Variants in NUDT13 observed in about 807,000 individuals in gnomAD.
NUDT13 encodes the protein NAD(P)H pyrophosphatase NUDT13, mitochondrial.
Under a neutral mutation model 41.7 loss-of-function variants are expected in NUDT13, and 40 were observed. The ratio of observed to expected loss-of-function variants is 0.96; its 90% CI spans 0.75 to 1.25. The LOEUF (loss-of-function observed/expected upper bound fraction) is 1.25, where lower values mean the gene tolerates loss of function less well. NUDT13 is among the 50% of genes most tolerant of loss of function. NUDT13 has a pLI of 0.00. For missense variants in NUDT13, 390 were observed against 416.1 expected, an observed-to-expected ratio of 0.94 and a Z score of 0.55; for synonymous variants, 145 against 155.5, an observed-to-expected ratio of 0.93 and a Z score of 0.50.
In NUDT13 at chr10:73,122,307, G is replaced by A. The variant is rs759357652; in HGVS notation, c.356G>A (p.Ser119Asn). 4 of 1,612,930 alleles carry A rather than the reference G, an allele frequency of 2.5e-6. No homozygotes were observed. The highest frequency in any genetic ancestry group is 1.7e-4 in the Middle Eastern group (1 of 6,056). Residue 119 changes from serine (S) to asparagine (N), a missense_variant and splice_region_variant, in exon 4 of 9, where the codon AGT becomes AAT. Coordinates refer to ENST00000357321, the MANE Select transcript of NUDT13 (RefSeq NM_015901.6). ...DLGLDSSFSI[S>N]ASLHKPEMET... ...GGTCTGGATAGCTCCTTTTCCATAA[G>A]TGGTACATGACATTATTCCTAACGG...
intron 2 of NUDT13, among the ~76,000 whole-genome samples, chr10:73,117,114 A>C (rs543133338): frequency 1.3e-5 from 2 of 150,404 alleles, no homozygotes; most frequent in East Asian, 2.0e-4. Context: ...GGATCTCTTG[A>C]CCTTGTGATC....
chr10:73,115,612 C>T (rs1443526814), intron 2 of NUDT13, among the ~76,000 whole-genome samples: 1 of 152,016 alleles, frequency 6.6e-6, no homozygotes, highest in Non-Finnish European at 1.5e-5. Flanking sequence ...ACATGGTAGG[C>T]ACTAAAGTAC....
chr10:73,124,276 G>C lies in NUDT13; in HGVS notation c.421G>C (p.Ala141Pro), dbSNP rs375649669. Residue 141 changes from alanine (A) to proline (P), a missense_variant, in exon 5 of 9, where the codon GCA becomes CCA. Transcript: ENST00000357321. ...GGGGTCTTTCATTGAGCTGAGAAAG[G>C]CACTCTTTCAACTCAATGCAAGGGA... ...LKGSFIELRK[A>P]LFQLNARDAS... is the part of the protein sequence containing the mutation. 1.2e-5 allele frequency: 20 copies of C among 1,613,260 alleles called. No individual in the cohort carries two copies. The African/African-American group carries it at 2.7e-4, about 22-fold the overall frequency.
intron 8 of NUDT13, 137 bp downstream of exon 8, chr10:73,126,964 C>G (rs1218014275): frequency 1.1e-5 from 9 of 790,092 alleles, no homozygotes; most frequent in Non-Finnish European, 1.8e-5. Flanking sequence ...TGATTTAGGG[C>G]TGAGCACGGT....
At chr10:73,117,408 T>C (rs561308050) in intron 2 of NUDT13, among the ~76,000 whole-genome samples, 1 of 150,910 alleles carries the variant, frequency 6.6e-6, no homozygotes, top group Non-Finnish European at 1.5e-5. Context: ...AATACAAAAA[T>C]TAGCCAGGTG....
Position 73,130,880 on chromosome 10 carries a change from A to AC in NUDT13, c.1038dup (p.Cys347LeufsTer33). 1.9e-6 allele frequency: 3 copies of AC among 1,613,636 alleles called. No homozygotes were observed. The highest frequency in any genetic ancestry group is 2.5e-6 in the Non-Finnish European group (3 of 1,179,748). Reference sequence around the variant, plus strand: ...GATTAAGGAGTGGGTGGAAAAACAGACCTGTTCTTCCCTGCCTGCTTAGCC... The same window carrying AC: ...GATTAAGGAGTGGGTGGAAAAACAGACCCTGTTCTTCCCTGCCTGCTTAGCC... On this transcript the variant is annotated frameshift_variant, in exon 9 of 9. Coordinates refer to ENST00000357321, the MANE Select transcript of NUDT13 (RefSeq NM_015901.6). LOFTEE classifies it high-confidence loss of function.
intron 8 of NUDT13, 70 bp downstream of exon 8, chr10:73,126,897 T>A: frequency 7.5e-7 from 1 of 1,334,124 alleles, no homozygotes; most frequent in Non-Finnish European, 1.1e-6. Flanking sequence ...CAGCAAGTAC[T>A]TATTAAGCAC....
In NUDT13 at chr10:73,122,204, C is replaced by T. The variant is rs1439803696; in HGVS notation, c.253C>T (p.Gln85Ter). The T allele has an allele frequency of 1.2e-6, 2 of 1,613,658 alleles. No individual in the cohort carries two copies. Among genetic ancestry groups the T allele is most frequent in the Admixed American group, 3.3e-5 (2 of 59,874 alleles). Residue 85 changes from glutamine to a stop codon, truncating the protein, a stop_gained, in exon 4 of 9, where the codon CAG becomes TAG. Coordinates refer to ENST00000357321, the MANE Select transcript of NUDT13 (RefSeq NM_015901.6). LOFTEE classifies it high-confidence loss of function. ...GGAAAGGCTCCTGGGTAAATTTGGA[C>T]AGGATGCACAAAGAATAGAAGATTC... The part of the protein sequence containing the change: ...ELERLLGKFG[Q>*]DAQRIEDSVL...
intron 7 of NUDT13, 147 bp from the exon 8 acceptor site, chr10:73,126,526 T>C (rs1842785017): frequency 7.5e-6 from 6 of 801,190 alleles, no homozygotes. Context: ...CTGATTCTTA[T>C]TGTTGGAATG....
rs962267056 is a variant in NUDT13, at chr10:73,119,335, C to T, written c.84-683C>T. 3.6e-5 allele frequency: 7 copies of T among 193,274 alleles called. No homozygotes were observed. In the East Asian group the frequency reaches 9.4e-4, roughly 26 times the overall value. 12.0% of individuals were successfully genotyped at this position (193,274 alleles called of 1,614,324 possible). A position where few individuals can be genotyped will look rare whatever the true frequency, so the allele number is the denominator to read the frequency against. On this transcript the variant is annotated intron_variant, in intron 2 of 8. Transcript: ENST00000357321. ...CTGGGATTACAGGCGTGAGCTACCA[C>T]GCCCGGCCAGGTGCTCCCTTTGCTA...
chr10:73,126,691 C>T lies in NUDT13; in HGVS notation c.722C>T (p.Thr241Ile). The T allele has an allele frequency of 6.2e-7, 1 of 1,614,092 alleles. No homozygotes were observed. The highest frequency in any genetic ancestry group is 8.5e-7 in the Non-Finnish European group (1 of 1,179,984). Residue 241 changes from threonine to isoleucine, a missense_variant, in exon 8 of 9, where the codon ACC (threonine) becomes ATC (isoleucine). By Grantham distance (89) the Thr-to-Ile change is moderately conservative (BLOSUM62 -1). Transcript: ENST00000357321. ...CTTGTAGGTGAAAGTGTGGAAGAGA[C>T]CATCCGCCGAGAAGTTGCAGAAGAG... Reference protein sequence around the residue: ...FCDIGESVEETIRREVAEEVG... With the variant: ...FCDIGESVEEIIRREVAEEVG...
chr10:73,122,570 ATTTAT>A (rs919607626), intron 4 of NUDT13, among the ~76,000 whole-genome samples: 4 of 151,752 alleles, frequency 2.6e-5, no homozygotes, highest in Non-Finnish European at 5.9e-5. Context: ...CATTTTATTT[ATTTAT>A]TTTATCTTAT....
At chr10:73,116,876 A>ATTTTTTTTT (rs56229464) in intron 2 of NUDT13, among the ~76,000 whole-genome samples, 7 of 81,866 alleles carry the variant, frequency 8.6e-5, no homozygotes, top group African/African-American at 2.4e-4. Context: ...GACTACAAGA[A>ATTTTTTTTT]TTTTTTTTTT....
At chr10:73,127,163 G>A (rs897775414) in intron 8 of NUDT13, among the ~76,000 whole-genome samples, 3 of 151,574 alleles carry the variant, frequency 2.0e-5, no homozygotes, top group Non-Finnish European at 2.9e-5. Context: ...GGCGGATCAC[G>A]AGGTCAGGAG....
At chr10:73,115,683 T>C (rs1468730091) in intron 2 of NUDT13, among the ~76,000 whole-genome samples, 1 of 152,132 alleles carries the variant, frequency 6.6e-6, no homozygotes, top group Admixed American at 6.5e-5. Flanking sequence ...AATAGAATAA[T>C]AAACATGTTA....
At chr10:73,127,109 G>C (rs1044888490) in intron 8 of NUDT13, among the ~76,000 whole-genome samples, 1 of 151,964 alleles carries the variant, frequency 6.6e-6, no homozygotes, top group Non-Finnish European at 1.5e-5. Flanking sequence ...GGCCGGGTGC[G>C]ATGGCTCATG....
At chr10:73,122,150 C>T (rs1475840214) in intron 3 of NUDT13, 25 bp from the exon 4 acceptor site, 1 of 1,605,484 alleles carries the variant, frequency 6.2e-7, no homozygotes, top group South Asian at 1.1e-5. Context: ...TTTTGCTTTT[C>T]TCCCTTCCCC....
intron 2 of NUDT13, among the ~76,000 whole-genome samples, chr10:73,117,388 C>T (rs1315715025): frequency 1.3e-5 from 2 of 151,314 alleles, no homozygotes; most frequent in East Asian, 2.0e-4. Context: ...AAAACCCCAT[C>T]TCTATTAAAA....
At chr10:73,122,336 C>T in intron 4 of NUDT13, 27 bp downstream of exon 4, 2 of 1,592,964 alleles carry the variant, frequency 1.3e-6, no homozygotes, top group Non-Finnish European at 8.5e-7. Flanking sequence ...CTAACGGGTA[C>T]TTCCCAGTGG....
Sources: gnomAD v4.1 joint callset for allele counts (sites outside exome capture counted in the v4.1 genomes callset) on GRCh38, gnomAD v4.1.1 for gene constraint, MANE v1.5 for transcripts, NCBI Gene and HGNC (gene_info 2026-07-23, HGNC 2026-07-21) for gene names.